KCTD16: variants seen among roughly 807,000 people sequenced by gnomAD.
KCTD16 encodes the protein BTB/POZ domain-containing protein KCTD16.
Under a neutral mutation model 33.2 loss-of-function variants are expected in KCTD16, and 13 were observed. The observed-to-expected ratio is 0.39, with a 90% CI of 0.25 to 0.62. KCTD16 has a LOEUF of 0.62. Ranked by LOEUF, KCTD16 falls within the 20% of genes least tolerant of loss-of-function variation. The pLI, the probability that KCTD16 is intolerant of heterozygous loss-of-function variation, is 0.50. For missense variants in KCTD16, 441 were observed against 525.1 expected (o/e 0.84, Z 1.57); for synonymous variants, 197 against 195.3 (o/e 1.01, Z -0.07).
chr5:144,189,248 T>G (rs1307983434), intron 2 of KCTD16, among the ~76,000 whole-genome samples: 1 of 152,086 alleles, frequency 6.6e-6, no homozygotes, highest in Admixed American at 6.5e-5. Flanking sequence ...ATCCCAGGAC[T>G]TTGGGAGGCC....
intron 3 of KCTD16, among the ~76,000 whole-genome samples, chr5:144,235,101 C>T (rs80057270): frequency 4.1e-4 from 62 of 152,230 alleles, no homozygotes; most frequent in East Asian, 4.0e-3. Context: ...CACAAACACA[C>T]GCAGTTGATG....
chr5:144,380,304 A>G (rs545076792), intron 3 of KCTD16, among the ~76,000 whole-genome samples: 1 of 152,324 alleles, frequency 6.6e-6, no homozygotes, highest in East Asian at 1.9e-4. Context: ...GATATTTACA[A>G]TGAGAGTTAC....
chr5:144,311,594 A>G (rs1396657998), intron 3 of KCTD16, among the ~76,000 whole-genome samples: 2 of 152,216 alleles, frequency 1.3e-5, no homozygotes, highest in Non-Finnish European at 2.9e-5. Context: ...CTTTACCTCA[A>G]AGAATACTCT....
chr5:144,441,108 G>T (rs924368882), intron 3 of KCTD16, among the ~76,000 whole-genome samples: 4 of 151,862 alleles, frequency 2.6e-5, no homozygotes, highest in African/African-American at 9.7e-5. Context: ...TTTTTCATTG[G>T]GTTATCTATG....
At chr5:144,336,683 G>A (rs1267102553) in intron 3 of KCTD16, among the ~76,000 whole-genome samples, 1 of 152,040 alleles carries the variant, frequency 6.6e-6, no homozygotes, top group Non-Finnish European at 1.5e-5. Context: ...TAAGATTTCT[G>A]GATGAAAAAG....
chr5:144,316,237 A>G (rs1271211282), intron 3 of KCTD16, among the ~76,000 whole-genome samples: 1 of 152,136 alleles, frequency 6.6e-6, no homozygotes, highest in Non-Finnish European at 1.5e-5. Context: ...GGCTCTAAGC[A>G]TTCAGCACTG....
intron 3 of KCTD16, among the ~76,000 whole-genome samples, chr5:144,229,536 A>G (rs1754035429): frequency 6.6e-6 from 1 of 152,200 alleles, no homozygotes; most frequent in African/African-American, 2.4e-5. Context: ...TGGCTATCGA[A>G]AGGGCCACAA....
chr5:144,338,433 T>G (rs1752543077), intron 3 of KCTD16, among the ~76,000 whole-genome samples: 1 of 152,158 alleles, frequency 6.6e-6, no homozygotes, highest in Non-Finnish European at 1.5e-5. Context: ...CCTACTGGCT[T>G]GATAGGAGAG....
intron 3 of KCTD16, among the ~76,000 whole-genome samples, chr5:144,344,512 AAAAC>A (rs1392811769): frequency 3.3e-5 from 5 of 152,102 alleles, no homozygotes; most frequent in Admixed American, 6.6e-5. Flanking sequence ...TTACAAGAAA[AAAAC>A]AAACAACCCC....
intron 3 of KCTD16, among the ~76,000 whole-genome samples, chr5:144,227,091 G>A (rs1367418732): frequency 1.3e-5 from 2 of 152,208 alleles, no homozygotes; most frequent in Non-Finnish European, 2.9e-5. Context: ...GGATGTGTAT[G>A]TATACATGTG....
At chr5:144,437,744 T>G (rs1213040899) in intron 3 of KCTD16, among the ~76,000 whole-genome samples, 2 of 152,174 alleles carry the variant, frequency 1.3e-5, no homozygotes, top group African/African-American at 4.8e-5. Flanking sequence ...TTCATTAGTA[T>G]AGATCATTAT....
At chr5:144,413,907 G>A (rs1029309447) in intron 3 of KCTD16, among the ~76,000 whole-genome samples, 1 of 152,282 alleles carries the variant, frequency 6.6e-6, no homozygotes, top group Non-Finnish European at 1.5e-5. Flanking sequence ...CACTAGGTCT[G>A]TGAAACCTTG....
chr5:144,462,708 G>A (rs1305478527), intron 3 of KCTD16, among the ~76,000 whole-genome samples: 3 of 152,024 alleles, frequency 2.0e-5, no homozygotes, highest in Non-Finnish European at 4.4e-5. Context: ...ATCTCTGTCT[G>A]GCTTCCAATG....
chr5:144,394,082 G>A (rs1368282112), intron 3 of KCTD16, among the ~76,000 whole-genome samples: 2 of 150,242 alleles, frequency 1.3e-5, no homozygotes, highest in Admixed American at 1.3e-4. Flanking sequence ...GTGCAGATGT[G>A]AAACAAGGAA....
At chr5:144,455,359 G>A (rs191280745) in intron 3 of KCTD16, among the ~76,000 whole-genome samples, 8 of 152,178 alleles carry the variant, frequency 5.3e-5, no homozygotes, top group East Asian at 3.9e-4. Flanking sequence ...ATCATATGAC[G>A]AAGCGGGGGC....
At chr5:144,263,033 T>A (rs1205448307) in intron 3 of KCTD16, among the ~76,000 whole-genome samples, 1 of 152,190 alleles carries the variant, frequency 6.6e-6, no homozygotes, top group Non-Finnish European at 1.5e-5. Flanking sequence ...CAGGACACAT[T>A]TGAATGTGAA....
At chr5:144,372,914 G>C (rs182900754) in intron 3 of KCTD16, among the ~76,000 whole-genome samples, 84 of 152,268 alleles carry the variant, frequency 5.5e-4, no homozygotes, top group Non-Finnish European at 9.7e-4. Context: ...CCACTGAAGA[G>C]AGGAGTTGGG....
intron 3 of KCTD16, among the ~76,000 whole-genome samples, chr5:144,441,326 C>T (rs928906801): frequency 1.3e-5 from 2 of 152,018 alleles, no homozygotes; most frequent in Non-Finnish European, 2.9e-5. Context: ...TCTAATAAAC[C>T]ATTGGTGGCT....
intron 3 of KCTD16, among the ~76,000 whole-genome samples, chr5:144,245,983 T>C (rs1335374496): frequency 4.6e-5 from 7 of 152,178 alleles, no homozygotes; most frequent in African/African-American, 9.6e-5. Context: ...CAAGATGGCA[T>C]TGAGATTCAG....
Sources: gnomAD v4.1 joint callset for allele counts (sites outside exome capture counted in the v4.1 genomes callset) on GRCh38, gnomAD v4.1.1 for gene constraint, MANE v1.5 for transcripts, NCBI Gene and HGNC (gene_info 2026-07-23, HGNC 2026-07-21) for gene names.